DAB1: variants seen among roughly 807,000 people sequenced by gnomAD.
DAB1 encodes the protein DAB adaptor protein 1, also known as disabled homolog 1.
A neutral mutation model predicts 64.6 loss-of-function variants in DAB1; 15 were observed. That is an observed-to-expected ratio of 0.23 (90% confidence interval 0.16 to 0.36). The LOEUF (loss-of-function observed/expected upper bound fraction) is 0.36, where lower values mean the gene tolerates loss of function less well. DAB1 is among the 10% of genes least tolerant of loss of function. DAB1 has a pLI of 1.00. For missense variants in DAB1, 596 were observed against 706.7 expected, an observed-to-expected ratio of 0.84 and a Z score of 1.78; for synonymous variants, 235 against 251.9, an observed-to-expected ratio of 0.93 and a Z score of 0.64.
At chr1:57,934,889 G>T (rs1251172145) in intron 5 of DAB1, among the ~76,000 whole-genome samples, 2 of 152,172 alleles carry the variant, frequency 1.3e-5, no homozygotes, top group Admixed American at 1.3e-4. Context: ...GACTTCTGCT[G>T]GCTCAGCATT....
At chr1:57,746,314 A>G (rs1271699805) in intron 6 of DAB1, among the ~76,000 whole-genome samples, 1 of 152,070 alleles carries the variant, frequency 6.6e-6, no homozygotes, top group Non-Finnish European at 1.5e-5. Flanking sequence ...ATCAATGTAT[A>G]TTTCTTCATT....
At chr1:57,236,067 G>A (rs1321095199) in intron 2 of DAB1, among the ~76,000 whole-genome samples, 2 of 152,306 alleles carry the variant, frequency 1.3e-5, no homozygotes, top group East Asian at 1.9e-4. Flanking sequence ...TCTGGATGCT[G>A]AGTGATCACC....
intron 5 of DAB1, among the ~76,000 whole-genome samples, chr1:57,938,341 G>A (rs1645057032): frequency 6.6e-6 from 1 of 152,264 alleles, no homozygotes; most frequent in East Asian, 1.9e-4. Flanking sequence ...CCTATTATAT[G>A]GTTTGGCTGT....
chr1:58,496,146 C>T (rs1174066607), intron 3 of DAB1, among the ~76,000 whole-genome samples: 1 of 151,224 alleles, frequency 6.6e-6, no homozygotes, highest in Admixed American at 6.6e-5. Context: ...GGTGCCTTTT[C>T]AATATTCTTT....
intron 2 of DAB1, among the ~76,000 whole-genome samples, chr1:57,286,311 T>A (rs147849624): frequency 0.021 from 3,266 of 152,282 alleles, 86 homozygotes; most frequent in Admixed American, 0.083. Context: ...TATTCTTTTT[T>A]CAGGAGTTAA....
chr1:58,301,937 T>C (rs1415355890), intron 4 of DAB1, among the ~76,000 whole-genome samples: 1 of 152,162 alleles, frequency 6.6e-6, no homozygotes, highest in Non-Finnish European at 1.5e-5. Flanking sequence ...TTAGCTCTTA[T>C]TAGTATTATT....
At chr1:57,704,881 C>A (rs1280307278) in intron 6 of DAB1, among the ~76,000 whole-genome samples, 2 of 148,514 alleles carry the variant, frequency 1.3e-5, no homozygotes, top group Non-Finnish European at 3.0e-5. Context: ...AATTTCTTTT[C>A]CTTCCTTCCT....
chr1:58,372,178 C>T (rs1644270350), intron 3 of DAB1, among the ~76,000 whole-genome samples: 1 of 152,228 alleles, frequency 6.6e-6, no homozygotes, highest in Non-Finnish European at 1.5e-5. Context: ...AGGCACTGTA[C>T]CCTGCAGAGC....
intron 7 of DAB1, among the ~76,000 whole-genome samples, chr1:57,432,453 C>T (rs1002760765): frequency 6.6e-6 from 1 of 151,906 alleles, no homozygotes; most frequent in South Asian, 2.1e-4. Context: ...AACTGTGTAT[C>T]AAAAGATGGA....
At chr1:57,362,766 T>G (rs1448872454) in intron 1 of DAB1, among the ~76,000 whole-genome samples, 1 of 152,130 alleles carries the variant, frequency 6.6e-6, no homozygotes, top group Non-Finnish European at 1.5e-5. Context: ...TATGGCATTT[T>G]GTCATAGCAG....
In DAB1 at chr1:57,789,852, A is replaced by G. The variant is rs544465749; in HGVS notation, n.551+94147T>C. On this transcript the variant is annotated intron_variant and non_coding_transcript_variant, in intron 6 of 20. Transcript: ENST00000485760. ...TATGGGCTATCTTGATTGCTGACCA[A>G]GAAGATTTCTTGTCAGGAAAGGATT... Among the ~76,000 whole-genome samples the G allele has an allele frequency of 8.5e-5, 13 of 152,324 alleles. No individual in the cohort carries two copies. The South Asian group carries it at 2.7e-3, about 32-fold the overall frequency.
intron 4 of DAB1, among the ~76,000 whole-genome samples, chr1:58,247,696 G>C (rs1051689373): frequency 6.6e-6 from 1 of 151,866 alleles, no homozygotes; most frequent in Non-Finnish European, 1.5e-5. Context: ...TGCTTCATGC[G>C]GGCTCTGGTC....
intron 2 of DAB1, among the ~76,000 whole-genome samples, chr1:57,269,537 G>C (rs1048636442): frequency 2.6e-5 from 4 of 152,052 alleles, no homozygotes; most frequent in African/African-American, 9.7e-5. Context: ...GGTTCAATGA[G>C]GCCCTACGTA....
intron 1 of DAB1, among the ~76,000 whole-genome samples, chr1:57,873,319 T>G (rs1271882237): frequency 6.6e-6 from 1 of 152,152 alleles, no homozygotes; most frequent in Non-Finnish European, 1.5e-5. Context: ...ATGAGTAGGG[T>G]GAGAGCAGGG....
At chr1:57,678,838 C>T (rs1646602005) in intron 6 of DAB1, among the ~76,000 whole-genome samples, 1 of 143,508 alleles carries the variant, frequency 7.0e-6, no homozygotes, top group Non-Finnish European at 1.5e-5. Context: ...GAGATCTTGG[C>T]TCACTGCAAA....
intron 7 of DAB1, among the ~76,000 whole-genome samples, chr1:57,638,481 C>A (rs1646087325): frequency 6.6e-6 from 1 of 152,144 alleles, no homozygotes; most frequent in Admixed American, 6.6e-5. Context: ...ACCATGCAAA[C>A]CATCCTTCTC....
intron 3 of DAB1, among the ~76,000 whole-genome samples, chr1:58,477,358 G>C (rs338228): frequency 0.63 from 95,187 of 152,112 alleles, 29,965 homozygotes; most frequent in South Asian, 0.7. Context: ...AAATTGTCAA[G>C]GAATCATCTT....
chr1:58,358,251 A>C (rs925712738), intron 3 of DAB1, among the ~76,000 whole-genome samples: 6 of 152,208 alleles, frequency 3.9e-5, no homozygotes, highest in Non-Finnish European at 8.8e-5. Flanking sequence ...GGGGAGTTAG[A>C]AATTCACCCA....
At chr1:58,206,203 T>A (rs1204240275) in intron 4 of DAB1, among the ~76,000 whole-genome samples, 2 of 152,150 alleles carry the variant, frequency 1.3e-5, no homozygotes, top group African/African-American at 2.4e-5. Flanking sequence ...AAGATATACA[T>A]TGGTTCCGTC....
Sources: allele counts gnomAD v4.1 joint callset (sites outside exome capture counted in the v4.1 genomes callset), GRCh38; gene constraint gnomAD v4.1.1; transcripts MANE v1.5; gene names NCBI Gene and HGNC (gene_info 2026-07-23, HGNC 2026-07-21).